The following OVCH1 variants were observed in gnomAD, a reference collection of about 807,000 sequenced individuals.
OVCH1 encodes ovochymase 1.
A neutral mutation model predicts 138.4 loss-of-function variants in OVCH1; 139 were observed. That is an observed-to-expected ratio of 1.00 (90% CI 0.87 to 1.16). The LOEUF is 1.16. Among genes scored for constraint, OVCH1 ranks in the 50% most tolerant of loss-of-function variants. The pLI, the probability that OVCH1 is intolerant of heterozygous loss-of-function variation, is 0.00. For missense variants in OVCH1, 1,367 were observed against 1,357.9 expected, an observed-to-expected ratio of 1.01 and a Z score of -0.11; for synonymous variants, 453 against 467.8, an observed-to-expected ratio of 0.97 and a Z score of 0.41.
downstream of OVCH1, among the ~76,000 whole-genome samples, chr12:29,411,651 C>T (rs11050223): frequency 0.56 from 85,534 of 151,748 alleles, 26,179 homozygotes; most frequent in Middle Eastern, 0.78. Flanking sequence ...GCTGTCTGAT[C>T]GTTCCTCTGG....
downstream of OVCH1, among the ~76,000 whole-genome samples, chr12:29,426,465 T>C (rs1322513289): frequency 6.6e-6 from 1 of 152,180 alleles, no homozygotes; most frequent in Non-Finnish European, 1.5e-5. Flanking sequence ...CAAATTGATA[T>C]CTATAGCTCC....
chr12:29,411,091 A>T (rs1237647373), downstream of OVCH1, among the ~76,000 whole-genome samples: 2 of 122,510 alleles, frequency 1.6e-5, no homozygotes, highest in Non-Finnish European at 3.8e-5. Context: ...CTTCCAGTTG[A>T]TCGCATCAGC....
intron 3 of OVCH1, among the ~76,000 whole-genome samples, chr12:29,421,511 A>G (rs1941104203): frequency 6.6e-6 from 1 of 152,168 alleles, no homozygotes; most frequent in African/African-American, 2.4e-5. Context: ...CTCAAAACAT[A>G]AAACTGATTT....
At chr12:29,452,858 T>C (rs1214522754) in intron 21 of OVCH1, among the ~76,000 whole-genome samples, 1 of 152,226 alleles carries the variant, frequency 6.6e-6, no homozygotes, top group African/African-American at 2.4e-5. Flanking sequence ...CCTAACATTT[T>C]GTCTCCGAAA....
At chr12:29,475,404 C>T (rs1028286841) in intron 13 of OVCH1, among the ~76,000 whole-genome samples, 3 of 151,840 alleles carry the variant, frequency 2.0e-5, no homozygotes, top group African/African-American at 7.3e-5. Context: ...AAAATAAGGA[C>T]ATTTGATTTC....
chr12:29,429,808 G>T (rs1043940357), intron 27 of OVCH1, among the ~76,000 whole-genome samples: 1 of 152,136 alleles, frequency 6.6e-6, no homozygotes, highest in African/African-American at 2.4e-5. Flanking sequence ...ATCAAAAAGA[G>T]AAGTTACTTG....
chr12:29,464,359 T>C (rs1385649616), intron 18 of OVCH1, 148 bp downstream of exon 18: 1 of 916,266 alleles, frequency 1.1e-6, no homozygotes, highest in South Asian at 1.4e-5. Flanking sequence ...CTCTATTTAC[T>C]TGCTGATCTG....
At chr12:29,405,041 A>AAAC in the OVCH1 span, among the ~76,000 whole-genome samples, 1 of 123,384 alleles carries the variant, frequency 8.1e-6, no homozygotes, top group African/African-American at 2.6e-5. Context: ...AAAAAAAAAA[A>AAAC]AAAAAAAAAA....
At chr12:29,463,396 G>A (rs1271094534) in intron 18 of OVCH1, among the ~76,000 whole-genome samples, 1 of 152,130 alleles carries the variant, frequency 6.6e-6, no homozygotes, top group Non-Finnish European at 1.5e-5. Context: ...ACAAAATGGG[G>A]AACTTCAGAA....
intron 26 of OVCH1, among the ~76,000 whole-genome samples, chr12:29,437,966 T>G (rs1462069100): frequency 6.6e-6 from 1 of 152,198 alleles, no homozygotes; most frequent in African/African-American, 2.4e-5. Context: ...CTGTAAACAC[T>G]TCTTATATTA....
chr12:29,409,345 G>T (rs554377045), downstream of OVCH1, among the ~76,000 whole-genome samples: 2 of 151,984 alleles, frequency 1.3e-5, 1 homozygote, highest in Non-Finnish European at 2.9e-5. Flanking sequence ...CTTGCCTTCT[G>T]CTAGCTTTTG....
At chr12:29,430,087 A>C (rs928047291) in intron 27 of OVCH1, among the ~76,000 whole-genome samples, 22 of 152,220 alleles carry the variant, frequency 1.4e-4, no homozygotes, top group Non-Finnish European at 2.6e-4. Flanking sequence ...TAGGTTTCAC[A>C]ATCATAAGAT....
intron 3 of OVCH1, among the ~76,000 whole-genome samples, chr12:29,421,259 C>T (rs894858287): frequency 6.6e-6 from 1 of 152,180 alleles, no homozygotes; most frequent in Non-Finnish European, 1.5e-5. Context: ...TGGAATGCTA[C>T]GTTTGTCTTG....
At chr12:29,457,387 A>ATT (rs57856732) in intron 19 of OVCH1, among the ~76,000 whole-genome samples, 17 of 68,868 alleles carry the variant, frequency 2.5e-4, no homozygotes, top group African/African-American at 6.7e-4. Flanking sequence ...AAACAAATGA[A>ATT]TTTTTTTTTT....
chr12:29,402,679 T>TG, the OVCH1 span, among the ~76,000 whole-genome samples: 2 of 149,672 alleles, frequency 1.3e-5, no homozygotes, highest in Non-Finnish European at 3.0e-5. Flanking sequence ...GGTTGTTAAT[T>TG]GAAAAAAAAG....
rs79373435 is a variant in OVCH1, at chr12:29,478,888, A to G, written c.1016T>C (p.Val339Ala). ...AGATACATAGTCATGATCACATCCA[A>G]CTTGCTTTTCCATGTCTAAACTTGT... Residue 339 changes from valine to alanine, a missense_variant, in exon 9 of 28, where the codon GTT (valine) becomes GCT (alanine). Val to Ala is a moderately conservative substitution (Grantham distance 64). Coordinates refer to ENST00000318184, the Ensembl canonical transcript of OVCH1. 1,291 of 1,586,906 alleles carry G rather than the reference A, an allele frequency of 8.1e-4. 11 individuals carry two copies. In the African/African-American group the frequency reaches 0.016, roughly 19 times the overall value.
At chr12:29,410,440 G>C (rs1174908865), downstream of OVCH1, among the ~76,000 whole-genome samples, 1 of 151,318 alleles carries the variant, frequency 6.6e-6, no homozygotes, top group East Asian at 1.9e-4. Context: ...TTTTGCAGCG[G>C]CTGATACCGG....
At chr12:29,408,665 ATCATGG>A (rs1258585077), downstream of OVCH1, among the ~76,000 whole-genome samples, 1 of 75,074 alleles carries the variant, frequency 1.3e-5, no homozygotes, top group Non-Finnish European at 3.0e-5. Flanking sequence ...AGCCCACTTG[ATCATGG>A]TGGATAAGCT....
intron 22 of OVCH1, among the ~76,000 whole-genome samples, chr12:29,448,818 T>C (rs1456942954): frequency 6.6e-6 from 1 of 152,114 alleles, no homozygotes; most frequent in Non-Finnish European, 1.5e-5. Flanking sequence ...AACCCCACCC[T>C]CAGAGCAGTT....
Sources: gnomAD v4.1 joint callset for allele counts (sites outside exome capture counted in the v4.1 genomes callset) on GRCh38, gnomAD v4.1.1 for gene constraint, MANE v1.5 for transcripts, NCBI Gene and HGNC (gene_info 2026-07-23, HGNC 2026-07-21) for gene names.